The following TRIM3 variants were observed in gnomAD, a reference collection of about 807,000 sequenced individuals.
TRIM3 encodes tripartite motif-containing protein 3.
A neutral mutation model predicts 66.6 loss-of-function variants in TRIM3; 13 were observed. The observed-to-expected ratio is 0.20, with a 90% CI of 0.13 to 0.31. The LOEUF is 0.31. Among genes scored for constraint, TRIM3 ranks in the 10% least tolerant of loss-of-function variants. The pLI is 1.00. For missense variants in TRIM3, 711 were observed against 1,020.4 expected (o/e 0.70, Z 4.13); for synonymous variants, 406 against 411.7 (o/e 0.99, Z 0.17).
intron 1 of TRIM3, among the ~76,000 whole-genome samples, chr11:6,469,457 C>T (rs1429912792): frequency 6.6e-6 from 1 of 152,214 alleles, no homozygotes; most frequent in Non-Finnish European, 1.5e-5. Flanking sequence ...TAGAGATTTG[C>T]CCCCAAGATC....
intron 1 of TRIM3, among the ~76,000 whole-genome samples, chr11:6,467,184 G>C (rs947929797): frequency 6.6e-6 from 1 of 152,146 alleles, no homozygotes; most frequent in Non-Finnish European, 1.5e-5. Context: ...CTGTGAGAAA[G>C]AACACTTTTG....
intron 1 of TRIM3, 49 bp from the exon 2 acceptor site, chr11:6,465,781 C>T: frequency 1.3e-6 from 2 of 1,530,732 alleles, no homozygotes; most frequent in Non-Finnish European, 8.9e-7. Flanking sequence ...TTCTTCTCCC[C>T]ACCCAATCCC....
Position 6,456,191 on chromosome 11 carries a change from G to A in TRIM3, c.1430-16C>T. 1 of 1,613,276 alleles carries A rather than the reference G, an allele frequency of 6.2e-7. No individual in the cohort carries two copies. The highest frequency in any genetic ancestry group is 1.1e-5 in the South Asian group (1 of 91,034). Reference sequence around the variant, plus strand: ...CCACGACTGCCTGTGGGAAGGGACAGGAGGGAAAACAAAATAATTCATTCA... The same window carrying A: ...CCACGACTGCCTGTGGGAAGGGACAAGAGGGAAAACAAAATAATTCATTCA... On this transcript the variant is annotated splice_polypyrimidine_tract_variant and intron_variant, in intron 6 of 11. Coordinates refer to ENST00000345851, the MANE Select transcript of TRIM3 (RefSeq NM_033278.4). The surrounding 1 kb of genome is among the most constrained non-coding windows in gnomAD (Gnocchi z 6.4).
Position 6,456,373 on chromosome 11 carries a change from A to G in TRIM3, c.1353T>C (p.Arg451=). Residue 451 remains arginine (R), a synonymous_variant, in exon 6 of 12, where the codon CGT becomes CGC. Coordinates refer to ENST00000345851, the MANE Select transcript of TRIM3 (RefSeq NM_033278.4). The surrounding 1 kb of genome is among the most constrained non-coding windows in gnomAD (Gnocchi z 6.4). The stretch of plus-strand genomic sequence containing the variant: ...CTGTGCTGTACATGGAGCTGGGCCT[A>G]CGCACTGCCTTCTGGCGCACATGGC... The part of the protein sequence containing the change: ...PGSHVRQKAV[R]RPSSMYSTGG... 6.5e-7 allele frequency: 1 copy of G among 1,532,306 alleles called. No homozygotes were observed. The highest frequency in any genetic ancestry group is 8.8e-7 in the Non-Finnish European group (1 of 1,137,108). The allele number at this position is 1,532,306 out of a possible 1,614,324, so 94.9% of individuals were successfully genotyped here.
At position 6,458,587 on chromosome 11, in the gene TRIM3, T is replaced by A. The variant is rs1198142585; in HGVS notation, c.132-291A>T. 6.6e-6 allele frequency among the ~76,000 whole-genome samples: 1 copy of A among 152,190 alleles called. No homozygotes were observed. The highest frequency in any genetic ancestry group is 1.5e-5 in the Non-Finnish European group (1 of 68,038). Reference sequence around the variant, plus strand: ...TGTTTACAAATGCTTCTCATAGGAATGTGCAACTAGGCACCCCCTGCCCAA... The same window carrying A: ...TGTTTACAAATGCTTCTCATAGGAAAGTGCAACTAGGCACCCCCTGCCCAA... On this transcript the variant is annotated intron_variant, in intron 2 of 11. Transcript: ENST00000345851. This position sits in a 1 kb window ranked among gnomAD's most constrained non-coding sequence, Gnocchi z 6.2.
At position 6,450,672 on chromosome 11, in the gene TRIM3, A is replaced by G; in HGVS notation, c.1871-51T>C. ...GCAGTAAGCTGGGATGCTGAGTGGG[A>G]TGGGGAAGAGTATCTGGGAAGATAA... is the stretch of plus-strand genomic sequence containing the variant. On this transcript the variant is annotated intron_variant, in intron 9 of 11. Coordinates refer to ENST00000345851, the MANE Select transcript of TRIM3 (RefSeq NM_033278.4). This position sits in a 1 kb window ranked among gnomAD's most constrained non-coding sequence, Gnocchi z 4.8. The G allele has an allele frequency of 4.5e-6, 7 of 1,561,078 alleles. No individual in the cohort carries two copies. Among genetic ancestry groups the G allele is most frequent in the Non-Finnish European group, 6.2e-6 (7 of 1,132,072 alleles).
At position 6,450,866 on chromosome 11, in the gene TRIM3, T is replaced by C. The variant is rs1168699573; in HGVS notation, c.1870+26A>G. 4 of 1,613,442 alleles carry C rather than the reference T, an allele frequency of 2.5e-6. No homozygotes were observed. The highest frequency in any genetic ancestry group is 3.3e-5 in the Admixed American group (2 of 60,000). The stretch of plus-strand genomic sequence containing the variant: ...GTTCTCTGGAACAGGGGTATCAGCA[T>C]AGATCTTGGAGCTGTCCCCCTATAC... On this transcript the variant is annotated intron_variant, in intron 9 of 11. Transcript: ENST00000345851. The surrounding 1 kb of genome is among the most constrained non-coding windows in gnomAD (Gnocchi z 4.8).
rs777352650 is a variant in TRIM3 at position 6,458,211 on chromosome 11, C to T, written c.217G>A (p.Val73Ile). The T allele has an allele frequency of 1.9e-6, 3 of 1,614,104 alleles. No homozygotes were observed. Among genetic ancestry groups the T allele is most frequent in the African/African-American group, 2.7e-5 (2 of 74,942 alleles). Residue 73 changes from valine to isoleucine, a missense_variant, in exon 3 of 12, where the codon GTC becomes ATC. Physicochemically the swap from Val to Ile is conservative, Grantham distance 29. Coordinates refer to ENST00000345851, the MANE Select transcript of TRIM3 (RefSeq NM_033278.4). This position sits in a 1 kb window ranked among gnomAD's most constrained non-coding sequence, Gnocchi z 6.2. ...RQTSILPEQG[V>I]SALQNNFFIS... Reference sequence around the variant, plus strand: ...AAGAAGTTGTTCTGCAGTGCCGAGACGCCCTGCTCTGGGAGGATGGACGTC... The same window carrying T: ...AAGAAGTTGTTCTGCAGTGCCGAGATGCCCTGCTCTGGGAGGATGGACGTC...
In TRIM3 at chr11:6,457,341, C is replaced by T; in HGVS notation, c.651G>A (p.Gln217=). ...TGGTCTCCAGGTCGCTGACCAGAGCCTGCTTGCGCTGCTGCAGTGCTTGCT... is the reference window on the plus strand; with the variant it reads ...TGGTCTCCAGGTCGCTGACCAGAGCTTGCTTGCGCTGCTGCAGTGCTTGCT... ...DLEQALQQRK[Q]ALVSDLETIC... The change falls in exon 5 of 12, where the codon CAG becomes CAA. Residue 217 remains glutamine, a synonymous_variant. Coordinates refer to ENST00000345851, the MANE Select transcript of TRIM3 (RefSeq NM_033278.4). This position sits in a 1 kb window ranked among gnomAD's most constrained non-coding sequence, Gnocchi z 4.5. 1 of 1,614,176 alleles carries T rather than the reference C, an allele frequency of 6.2e-7. No individual in the cohort carries two copies. The highest frequency in any genetic ancestry group is 1.3e-5 in the African/African-American group (1 of 75,072).
intron 1 of TRIM3, among the ~76,000 whole-genome samples, chr11:6,469,300 C>A (rs1346339742): frequency 1.3e-5 from 2 of 152,156 alleles, no homozygotes; most frequent in African/African-American, 4.8e-5. Context: ...TGTCCAAGGA[C>A]CAATAGCTCC....
At chr11:6,463,468 T>C (rs1299690326) in intron 2 of TRIM3, among the ~76,000 whole-genome samples, 1 of 152,164 alleles carries the variant, frequency 6.6e-6, no homozygotes, top group East Asian at 1.9e-4. Context: ...TGCAGAGACA[T>C]CCAATTTCAG....
intron 2 of TRIM3, among the ~76,000 whole-genome samples, chr11:6,460,995 TC>T (rs1392984081): frequency 7.6e-6 from 1 of 131,332 alleles, no homozygotes; most frequent in African/African-American, 2.8e-5. Flanking sequence ...AACCTCCACC[TC>T]CCGGGTTCAA....
Position 6,457,379 on chromosome 11 carries a change from A to T in TRIM3, c.613T>A (p.Phe205Ile), listed in dbSNP as rs777528137. The change falls in exon 5 of 12, where the codon TTC becomes ATC. Residue 205 changes from phenylalanine (F) to isoleucine (I), a missense_variant. Physicochemically the swap from Phe to Ile is conservative, Grantham distance 21. Coordinates refer to ENST00000345851, the MANE Select transcript of TRIM3 (RefSeq NM_033278.4). The surrounding 1 kb of genome is among the most constrained non-coding windows in gnomAD (Gnocchi z 4.5). ...AEALAQISAAFEDLEQALQQR... is the reference protein window; with the variant it reads ...AEALAQISAAIEDLEQALQQR... The stretch of plus-strand genomic sequence containing the variant: ...TGCAGTGCTTGCTCCAGGTCCTCGA[A>T]CGCTGCACTGATCTGGGCCAGGGCC... 6.2e-7 allele frequency: 1 copy of T among 1,613,908 alleles called. No individual in the cohort carries two copies. The highest frequency in any genetic ancestry group is 1.3e-5 in the African/African-American group (1 of 75,046).
rs1386421372 is a variant in TRIM3, at chr11:6,450,272, C to T, written c.1941+279G>A. On this transcript the variant is annotated intron_variant, in intron 10 of 11. Coordinates refer to ENST00000345851, the MANE Select transcript of TRIM3 (RefSeq NM_033278.4). This position sits in a 1 kb window ranked among gnomAD's most constrained non-coding sequence, Gnocchi z 4.8. ...CACAGTTCCCTGCACCTTCCTATCACAGAATCTATTACATCATATTGTAAT... is the reference window on the plus strand; with the variant it reads ...CACAGTTCCCTGCACCTTCCTATCATAGAATCTATTACATCATATTGTAAT... 3 of 459,906 alleles carry T rather than the reference C, an allele frequency of 6.5e-6. No homozygotes were observed. In the East Asian group the frequency reaches 1.1e-4, roughly 17 times the overall value. 28.5% of individuals were successfully genotyped at this position (459,906 alleles called of 1,614,324 possible).
intron 1 of TRIM3, among the ~76,000 whole-genome samples, chr11:6,473,549 G>A (rs933031551): frequency 7.2e-5 from 11 of 151,812 alleles, no homozygotes; most frequent in Non-Finnish European, 1.2e-4. Context: ...CAAACCCCGC[G>A]CTCCCCTAAG....
In TRIM3 at chr11:6,457,212, G is replaced by T; in HGVS notation, c.696+84C>A. ...GAATATCTAGGCTGGGGAATGGGGAGCTGGTGTGGAAGACAGAGGAACAAT... is the reference window on the plus strand; with the variant it reads ...GAATATCTAGGCTGGGGAATGGGGATCTGGTGTGGAAGACAGAGGAACAAT... On this transcript the variant is annotated intron_variant, in intron 5 of 11. Transcript: ENST00000345851. The surrounding 1 kb of genome is among the most constrained non-coding windows in gnomAD (Gnocchi z 4.5). 4 of 1,552,892 alleles carry T rather than the reference G, an allele frequency of 2.6e-6. No individual in the cohort carries two copies. The highest frequency in any genetic ancestry group is 2.6e-6 in the Non-Finnish European group (3 of 1,143,798).
In TRIM3 at chr11:6,457,780, C is replaced by T. The variant is rs751650268; in HGVS notation, c.431G>A (p.Arg144His). 6 of 1,614,190 alleles carry T rather than the reference C, an allele frequency of 3.7e-6. No individual in the cohort carries two copies. Among genetic ancestry groups the T allele is most frequent in the South Asian group, 2.2e-5 (2 of 91,088 alleles). Reference protein sequence around the residue: ...MCGECRAGEHREHGTVLLRDV... With the variant: ...MCGECRAGEHHEHGTVLLRDV... ...CCTCAGCAGCACTGTGCCATGCTCACGATGCTCCCCGGCGCGGCACTCACC... is the reference window on the plus strand; with the variant it reads ...CCTCAGCAGCACTGTGCCATGCTCATGATGCTCCCCGGCGCGGCACTCACC... The change falls in exon 4 of 12, where the codon CGT becomes CAT. Residue 144 changes from arginine to histidine, a missense_variant. Arg to His is a conservative substitution (Grantham distance 29). Around this residue, in one of 3 missense-constraint regions of TRIM3, gnomAD observed 149 missense variants for 240.3 expected, o/e 0.62. Transcript: ENST00000345851. The surrounding 1 kb of genome is among the most constrained non-coding windows in gnomAD (Gnocchi z 4.5).
At position 6,451,064 on chromosome 11, in the gene TRIM3, G is replaced by A. The variant is rs765457750; in HGVS notation, c.1702-4C>T. The A allele has an allele frequency of 4.3e-6, 7 of 1,613,916 alleles. No homozygotes were observed. The Admixed American group carries it at 6.7e-5, about 15-fold the overall frequency. On this transcript the variant is annotated splice_region_variant and splice_polypyrimidine_tract_variant and intron_variant, in intron 8 of 11. Transcript: ENST00000345851. ...GGCGGCCAGCTCCAATCTTGGTCTG[G>A]AGGAAGAGAATATCCATAAGAGGCT...
At chr11:6,460,311 G>A (rs1449687863) in intron 2 of TRIM3, among the ~76,000 whole-genome samples, 1 of 152,216 alleles carries the variant, frequency 6.6e-6, no homozygotes, top group African/African-American at 2.4e-5. Context: ...TGGAAGTTGA[G>A]TGAAGGGGAG....
Sources: allele counts gnomAD v4.1 joint callset (sites outside exome capture counted in the v4.1 genomes callset), GRCh38; gene constraint gnomAD v4.1.1; regional missense constraint gnomAD v4.1.1; non-coding constraint Gnocchi (gnomAD v3.1); transcripts MANE v1.5; gene names NCBI Gene and HGNC (gene_info 2026-07-23, HGNC 2026-07-21).